Variants in CD300LF observed in about 807,000 individuals in gnomAD.
The protein encoded by CD300LF is CMRF35-like molecule 1.
In CD300LF, 27 loss-of-function variants were observed where a neutral mutation model predicts 32.2. That is an observed-to-expected ratio of 0.84 (90% CI 0.62 to 1.15). CD300LF has a LOEUF of 1.15. Among genes scored for constraint, CD300LF ranks in the 50% most tolerant of loss-of-function variants. The pLI is 0.00. For synonymous variants in CD300LF, 139 were observed against 143.2 expected (o/e 0.97, Z 0.21); for missense variants, 348 against 356.8 (o/e 0.98, Z 0.20).
chr17:74,711,755 G>C (rs973581632), intron 1 of CD300LF, among the ~76,000 whole-genome samples: 2 of 152,094 alleles, frequency 1.3e-5, no homozygotes, highest in Non-Finnish European at 2.9e-5. Flanking sequence ...CTTCAGGGGG[G>C]TTGTTTCAGC....
intron 1 of CD300LF, among the ~76,000 whole-genome samples, chr17:74,706,694 A>G (rs1292378227): frequency 6.6e-6 from 1 of 152,058 alleles, no homozygotes; most frequent in Admixed American, 6.6e-5. Context: ...CAAAACAAAA[A>G]CCAGCAGTTC....
At position 74,704,825 on chromosome 17, in the gene CD300LF, C is replaced by T; in HGVS notation, c.44-9G>A. 6.2e-7 allele frequency: 1 copy of T among 1,603,728 alleles called. No homozygotes were observed. The highest frequency in any genetic ancestry group is 8.5e-7 in the Non-Finnish European group (1 of 1,172,566). On this transcript the variant is annotated splice_polypyrimidine_tract_variant and intron_variant, in intron 1 of 6. Coordinates refer to ENST00000326165, the MANE Select transcript of CD300LF (RefSeq NM_139018.5). ...AGTGACAATGGAGTAGCCTGGAAAA[C>T]ACAAATTCATGTGCTGTCACCTCCC...
chr17:74,701,006 G>C (rs2033006182), intron 3 of CD300LF, among the ~76,000 whole-genome samples: 1 of 152,018 alleles, frequency 6.6e-6, no homozygotes, highest in African/African-American at 2.4e-5. Context: ...TGAACACATA[G>C]GAAAAAGATA....
At chr17:74,704,880 T>C in intron 1 of CD300LF, 64 bp from the exon 2 acceptor site, 4 of 1,295,868 alleles carry the variant, frequency 3.1e-6, no homozygotes, top group Non-Finnish European at 3.3e-6. Context: ...AGCTTTCTGT[T>C]TAGGGAATAG....
intron 3 of CD300LF, 106 bp from the exon 4 acceptor site, chr17:74,698,587 C>A (rs777488868): frequency 3.0e-4 from 458 of 1,517,052 alleles, no homozygotes; most frequent in Non-Finnish European, 3.8e-4. Flanking sequence ...TGATGAGCTG[C>A]AGGTCTGTAG....
At chr17:74,708,562 T>G (rs1042755691) in intron 1 of CD300LF, among the ~76,000 whole-genome samples, 3 of 152,150 alleles carry the variant, frequency 2.0e-5, no homozygotes, top group Admixed American at 6.6e-5. Flanking sequence ...ATAAACAGGA[T>G]AAAACATTAT....
intron 3 of CD300LF, among the ~76,000 whole-genome samples, chr17:74,699,145 C>G (rs548368508): frequency 1.3e-5 from 2 of 152,124 alleles, no homozygotes; most frequent in Non-Finnish European, 2.9e-5. Context: ...TCTCGAACTC[C>G]TAACCTCATG....
Position 74,695,008 on chromosome 17 carries a change from G to A in CD300LF, c.*88C>T, listed in dbSNP as rs969888193. 3.5e-6 allele frequency: 5 copies of A among 1,435,836 alleles called. No homozygotes were observed. In the African/African-American group the frequency reaches 5.7e-5, roughly 16 times the overall value. The allele number at this position is 1,435,836 out of a possible 1,614,324, so 88.9% of individuals were successfully genotyped here. A position where few individuals can be genotyped will look rare whatever the true frequency, so the allele number is the denominator to read the frequency against. ...GGCAGAGGCACCAGTCCCCGGGTTGGTCCTGATGAGGGGAGCAGGGGGCAG... is the reference window on the plus strand; with the variant it reads ...GGCAGAGGCACCAGTCCCCGGGTTGATCCTGATGAGGGGAGCAGGGGGCAG... On this transcript the variant is annotated 3_prime_UTR_variant, in exon 7 of 7. Coordinates refer to ENST00000326165, the MANE Select transcript of CD300LF (RefSeq NM_139018.5).
At chr17:74,706,476 T>C (rs1350436650) in intron 1 of CD300LF, among the ~76,000 whole-genome samples, 2 of 151,796 alleles carry the variant, frequency 1.3e-5, no homozygotes, top group African/African-American at 4.8e-5. Context: ...GAGATCAGCC[T>C]GACCAACATG....
chr17:74,712,697 A>G, intron 1 of CD300LF, 127 bp downstream of exon 1: 1 of 894,830 alleles, frequency 1.1e-6, no homozygotes, highest in South Asian at 1.5e-5. Context: ...AATGGTGGGT[A>G]TGTGGATGAA....
chr17:74,697,769 G>A (rs547781465), intron 4 of CD300LF, among the ~76,000 whole-genome samples: 1 of 152,320 alleles, frequency 6.6e-6, no homozygotes, highest in African/African-American at 2.4e-5. Context: ...GGGCAAGTAG[G>A]TCAGCCTGGG....
chr17:74,698,583 G>A, intron 3 of CD300LF, 102 bp from the exon 4 acceptor site: 1 of 1,519,070 alleles, frequency 6.6e-7, no homozygotes, highest in Non-Finnish European at 8.8e-7. Context: ...CACCTGATGA[G>A]CTGCAGGTCT....
In CD300LF at chr17:74,712,895, T is replaced by G; in HGVS notation, c.-29A>C. On this transcript the variant is annotated 5_prime_UTR_variant, in exon 1 of 7. Transcript: ENST00000326165. ...CTCTTCAGACAGGTCCCCGTTCCCC[T>G]CAGTGGAGCCTGGCAGCAGGAACAA... The G allele has an allele frequency of 6.2e-7, 1 of 1,612,782 alleles. No homozygotes were observed. The highest frequency in any genetic ancestry group is 8.5e-7 in the Non-Finnish European group (1 of 1,179,082).
chr17:74,695,367 T>C, intron 6 of CD300LF, 116 bp from the exon 7 acceptor site: 1 of 1,260,070 alleles, frequency 7.9e-7, no homozygotes, highest in Non-Finnish European at 1.1e-6. Flanking sequence ...CTAATCCCAC[T>C]CAAGCCCTCC....
intron 1 of CD300LF, among the ~76,000 whole-genome samples, chr17:74,711,615 C>T (rs1356737407): frequency 6.6e-6 from 1 of 152,174 alleles, no homozygotes; most frequent in East Asian, 1.9e-4. Flanking sequence ...CTTCCTCAGA[C>T]GTGCCCAGTC....
intron 1 of CD300LF, among the ~76,000 whole-genome samples, chr17:74,710,043 A>G (rs1446443811): frequency 6.6e-6 from 1 of 152,148 alleles, no homozygotes; most frequent in Non-Finnish European, 1.5e-5. Flanking sequence ...CAGTGGCTCA[A>G]TCTCGGCTCA....
At chr17:74,706,175 G>A (rs970319921) in intron 1 of CD300LF, among the ~76,000 whole-genome samples, 13 of 151,798 alleles carry the variant, frequency 8.6e-5, no homozygotes, top group African/African-American at 3.1e-4. Flanking sequence ...CTGGGTGACA[G>A]GTTTGATTGA....
intron 1 of CD300LF, among the ~76,000 whole-genome samples, chr17:74,707,837 C>G (rs1165783797): frequency 4.0e-5 from 6 of 151,772 alleles, no homozygotes; most frequent in South Asian, 2.1e-4. Flanking sequence ...CAATGTTATG[C>G]CAATGAATTT....
rs747410669 is a variant in CD300LF at position 74,695,173 on chromosome 17, TGTTGCAGTAGGTCG to T, written c.782_795del (p.Pro261HisfsTer6). The T allele has an allele frequency of 8.7e-6, 14 of 1,614,140 alleles. No individual in the cohort carries two copies. The East Asian group carries it at 3.1e-4, about 36-fold the overall frequency. On this transcript the variant is annotated frameshift_variant, in exon 7 of 7. Transcript: ENST00000326165. LOFTEE classifies it low-confidence loss of function (END_TRUNC). ...GGGAGGTGGCTACTGAGGTGGCCCATGTTGCAGTAGGTCGGTTCCTGATCCTCAGCACCCAAGGT... is the reference window on the plus strand; with the variant it reads ...GGGAGGTGGCTACTGAGGTGGCCCATGTTCCTGATCCTCAGCACCCAAGGT...
Sources: gnomAD v4.1 joint callset for allele counts (sites outside exome capture counted in the v4.1 genomes callset) on GRCh38, gnomAD v4.1.1 for gene constraint, MANE v1.5 for transcripts, NCBI Gene and HGNC (gene_info 2026-07-23, HGNC 2026-07-21) for gene names.